The following PTPRG variants were observed in gnomAD, a reference collection of about 807,000 sequenced individuals.
PTPRG encodes receptor-type tyrosine-protein phosphatase gamma.
PTPRG carries 102 observed loss-of-function variants against 165.3 expected under a neutral mutation model. The observed-to-expected ratio is 0.62, with a 90% CI of 0.53 to 0.73. The LOEUF (loss-of-function observed/expected upper bound fraction) is 0.73. Ranked by LOEUF, PTPRG falls within the 30% of genes least tolerant of loss-of-function variation. PTPRG has a pLI of 0.00. For missense variants in PTPRG, 1,866 were observed against 1,861.4 expected (o/e 1.00, Z -0.05); for synonymous variants, 675 against 669.5 (o/e 1.01, Z -0.13).
At chr3:61,695,067 A>G (rs1018218959) in intron 1 of PTPRG, among the ~76,000 whole-genome samples, 6 of 151,642 alleles carry the variant, frequency 4.0e-5, no homozygotes, top group African/African-American at 1.2e-4. Context: ...CTGGAGTGCA[A>G]TGGCGCGATA....
chr3:61,696,184 T>C (rs1014890350), intron 1 of PTPRG, among the ~76,000 whole-genome samples: 1 of 152,148 alleles, frequency 6.6e-6, no homozygotes, highest in Non-Finnish European at 1.5e-5. Flanking sequence ...TGTTGCAAAT[T>C]GATACGAGTA....
intron 2 of PTPRG, chr3:61,750,047 G>A (rs1359705293): frequency 6.6e-6 from 1 of 152,090 alleles, no homozygotes. Flanking sequence ...GCCCCTGCAG[G>A]GAGAATATCC....
intron 4 of PTPRG, among the ~76,000 whole-genome samples, chr3:62,009,574 G>A (rs895275612): frequency 2.0e-5 from 3 of 152,086 alleles, no homozygotes; most frequent in Admixed American, 6.6e-5. Context: ...GAAGTCGATC[G>A]GGGTTCTTCC....
chr3:61,745,345 T>C (rs2033157145), intron 1 of PTPRG, among the ~76,000 whole-genome samples: 1 of 152,112 alleles, frequency 6.6e-6, no homozygotes, highest in South Asian at 2.1e-4. Context: ...CGCACCTGGC[T>C]GCCATTCCCT....
At chr3:61,783,632 C>T (rs765968807) in intron 2 of PTPRG, among the ~76,000 whole-genome samples, 46 of 151,994 alleles carry the variant, frequency 3.0e-4, no homozygotes, top group African/African-American at 1.1e-3. Context: ...TTGAGATTGA[C>T]GTTGAGTTGG....
At chr3:61,661,722 T>A (rs1053260137) in intron 1 of PTPRG, among the ~76,000 whole-genome samples, 1 of 152,216 alleles carries the variant, frequency 6.6e-6, no homozygotes, top group Non-Finnish European at 1.5e-5. Flanking sequence ...GAGATATCAA[T>A]TTGTGTGTAG....
intron 1 of PTPRG, among the ~76,000 whole-genome samples, chr3:61,579,603 A>G (rs1421589500): frequency 6.6e-6 from 1 of 152,248 alleles, no homozygotes; most frequent in African/African-American, 2.4e-5. Context: ...GTAACTTGGA[A>G]AGCGGCGAAA....
chr3:62,264,854 T>G (rs963644393), intron 17 of PTPRG, among the ~76,000 whole-genome samples: 2 of 152,310 alleles, frequency 1.3e-5, no homozygotes, highest in Middle Eastern at 3.4e-3. Context: ...GTTTAAAATT[T>G]TGAGGAACTA....
At chr3:62,186,915 C>T (rs1199733197) in intron 8 of PTPRG, among the ~76,000 whole-genome samples, 3 of 152,234 alleles carry the variant, frequency 2.0e-5, no homozygotes, top group Non-Finnish European at 2.9e-5. Context: ...GCCAGAGATG[C>T]GTCCATGAAG....
chr3:61,870,558 A>ATT (rs71100986), intron 2 of PTPRG, among the ~76,000 whole-genome samples: 1 of 48,292 alleles, frequency 2.1e-5, no homozygotes, highest in Admixed American at 2.7e-4. Context: ...GTAGAGATGG[A>ATT]TTTTTTTTTT....
intron 4 of PTPRG, among the ~76,000 whole-genome samples, chr3:62,026,061 A>G (rs1294074391): frequency 1.3e-5 from 2 of 152,244 alleles, no homozygotes; most frequent in East Asian, 3.8e-4. Context: ...ATGCAGTGCC[A>G]TCTGTCTTAA....
intron 2 of PTPRG, chr3:61,771,229 T>G (rs2034198540): frequency 6.6e-6 from 1 of 152,222 alleles, no homozygotes; most frequent in South Asian, 2.1e-4. Flanking sequence ...ATGAAGCTTT[T>G]AGTTCCCATA....
At chr3:61,577,738 T>C (rs1393829903) in intron 1 of PTPRG, among the ~76,000 whole-genome samples, 3 of 152,174 alleles carry the variant, frequency 2.0e-5, no homozygotes, top group Non-Finnish European at 4.4e-5. Context: ...TTTTCTCACC[T>C]TCCAGAAGAG....
At chr3:62,142,051 G>A (rs929323068) in intron 6 of PTPRG, among the ~76,000 whole-genome samples, 3 of 150,758 alleles carry the variant, frequency 2.0e-5, no homozygotes, top group Non-Finnish European at 2.9e-5. Context: ...CGATGGGAAA[G>A]AATGGCCCAC....
intron 4 of PTPRG, among the ~76,000 whole-genome samples, chr3:62,066,424 A>G (rs1382890184): frequency 6.6e-6 from 1 of 152,234 alleles, no homozygotes; most frequent in Admixed American, 6.5e-5. Flanking sequence ...TTTATCCAAA[A>G]TGATTTTCCA....
Position 62,282,808 on chromosome 3 carries a change from C to T in PTPRG, c.3994C>T (p.Leu1332Phe). Residue 1332 changes from leucine (L) to phenylalanine (F), a missense_variant, in exon 28 of 30, where the codon CTT becomes TTT. Around this residue, in one of 3 missense-constraint regions of PTPRG, gnomAD observed 1,452 missense variants for 1,463.0 expected, o/e 0.99. Coordinates refer to ENST00000474889, the MANE Select transcript of PTPRG (RefSeq NM_002841.4). Reference sequence around the variant, plus strand: ...TGCCCCCATAAGTAGTACCTTTGAACTTATCAACGTCATCAAGGAAGAGGC... The same window carrying T: ...TGCCCCCATAAGTAGTACCTTTGAATTTATCAACGTCATCAAGGAAGAGGC... The part of the protein sequence containing the change: ...PDAPISSTFE[L>F]INVIKEEALT... 1 of 1,612,230 alleles carries T rather than the reference C, an allele frequency of 6.2e-7. No homozygotes were observed. The highest frequency in any genetic ancestry group is 8.5e-7 in the Non-Finnish European group (1 of 1,178,776).
At chr3:62,061,009 G>A (rs1462421356) in intron 4 of PTPRG, among the ~76,000 whole-genome samples, 1 of 152,174 alleles carries the variant, frequency 6.6e-6, no homozygotes, top group Non-Finnish European at 1.5e-5. Context: ...AATTGTCAAT[G>A]AACGTGTCTG....
chr3:62,005,503 C>T (rs545674953), intron 4 of PTPRG, among the ~76,000 whole-genome samples: 17 of 152,032 alleles, frequency 1.1e-4, no homozygotes, highest in African/African-American at 2.7e-4. Context: ...CATTTAATGT[C>T]GTTTTGGACA....
intron 2 of PTPRG, among the ~76,000 whole-genome samples, chr3:61,886,235 A>T (rs575424796): frequency 6.6e-6 from 1 of 152,128 alleles, no homozygotes; most frequent in African/African-American, 2.4e-5. Context: ...AAGTGGATTC[A>T]GGTGGAGAAA....
Sources: allele counts gnomAD v4.1 joint callset (sites outside exome capture counted in the v4.1 genomes callset), GRCh38; gene constraint gnomAD v4.1.1; regional missense constraint gnomAD v4.1.1; transcripts MANE v1.5; gene names NCBI Gene and HGNC (gene_info 2026-07-23, HGNC 2026-07-21).